UNC45B: variants seen among roughly 807,000 people sequenced by gnomAD.
UNC45B encodes the protein protein unc-45 homolog B.
A neutral mutation model predicts 98.7 loss-of-function variants in UNC45B; 78 were observed. The ratio of observed to expected loss-of-function variants is 0.79; its 90% CI spans 0.66 to 0.95. The LOEUF is 0.95. Among genes scored for constraint, UNC45B ranks in the 40% least tolerant of loss-of-function variants. The probability of loss-of-function intolerance (pLI) is 0.00; values close to 1 mark genes in which losing one functional copy is unlikely to be tolerated. For synonymous variants in UNC45B, 462 were observed against 480.4 expected, an observed-to-expected ratio of 0.96 and a Z score of 0.50; for missense variants, 1,225 against 1,184.9, an observed-to-expected ratio of 1.03 and a Z score of -0.50.
chr17:35,148,929 G>A (rs1387426110), intron 2 of UNC45B, 44 bp from the exon 3 acceptor site: 3 of 1,612,914 alleles, frequency 1.9e-6, no homozygotes, highest in Non-Finnish European at 2.5e-6. Context: ...TCTCTGCATT[G>A]GGCCCACATT....
chr17:35,165,612 C>G (rs534595111), intron 9 of UNC45B, among the ~76,000 whole-genome samples: 3 of 152,218 alleles, frequency 2.0e-5, no homozygotes, highest in African/African-American at 7.2e-5. Context: ...ACAGATAAGT[C>G]TCTGTCAACA....
rs558718448 is a variant in UNC45B at position 35,189,067 on chromosome 17, C to G, written c.*2508C>G. 1.3e-5 allele frequency: 2 copies of G among 152,120 alleles called. No individual in the cohort carries two copies. The highest frequency in any genetic ancestry group is 2.9e-5 in the Non-Finnish European group (2 of 68,034). The allele number at this position is 152,120 out of a possible 1,614,324, so 9.4% of individuals were successfully genotyped here. On this transcript the variant is annotated 3_prime_UTR_variant, in exon 20 of 20. Transcript: ENST00000394570. ...TGCCAACTTTCTAGGTTTTTCCAAC[C>G]AATTCTCTTACAGAAAATCTATAAA...
In UNC45B at chr17:35,171,342, GTAC is replaced by G. The variant is rs2092184532; in HGVS notation, c.1712_1714del (p.Tyr571del). 1 of 1,614,122 alleles carries G rather than the reference GTAC, an allele frequency of 6.2e-7. No individual in the cohort carries two copies. The highest frequency in any genetic ancestry group is 8.5e-7 in the Non-Finnish European group (1 of 1,179,984). On this transcript the variant is annotated inframe_deletion, in exon 13 of 20. Coordinates refer to ENST00000394570, the MANE Select transcript of UNC45B (RefSeq NM_001267052.2). ...TCCAGACCAGTGACAAGACCATCCT[GTAC>G]TCGGTGGCCACCACCCTGGTGAACT...
intron 19 of UNC45B, among the ~76,000 whole-genome samples, chr17:35,184,532 C>T (rs2092292257): frequency 6.6e-6 from 1 of 152,220 alleles, no homozygotes; most frequent in East Asian, 1.9e-4. Context: ...ACAGGACCCT[C>T]TGTGACTCCT....
Position 35,177,610 on chromosome 17 carries a change from G to A in UNC45B, c.2255G>A (p.Arg752Gln), listed in dbSNP as rs139715157. 112 of 1,543,968 alleles carry A rather than the reference G, an allele frequency of 7.3e-5. No homozygotes were observed. Among genetic ancestry groups the A allele is most frequent in the Admixed American group, 3.5e-4 (18 of 50,906 alleles). The change falls in exon 17 of 20, where the codon CGG becomes CAG. Residue 752 changes from arginine to glutamine, a missense_variant and splice_region_variant. Transcript: ENST00000394570. ...TNLSGRSDKL[R>Q]QKIFKERALP... ...CTGTCTGGGCGGAGTGACAAACTCCGGTGAGTGTGGTGAGTGTGGCAGGGG... is the reference window on the plus strand; with the variant it reads ...CTGTCTGGGCGGAGTGACAAACTCCAGTGAGTGTGGTGAGTGTGGCAGGGG...
intron 9 of UNC45B, chr17:35,167,027 G>T (rs2092145910): frequency 6.6e-6 from 1 of 152,272 alleles, no homozygotes; most frequent in Non-Finnish European, 1.5e-5. Context: ...GATGATAATA[G>T]ATTCTGAAAG....
chr17:35,149,081 C>A, intron 3 of UNC45B, 72 bp downstream of exon 3: 1 of 1,567,022 alleles, frequency 6.4e-7, no homozygotes, highest in Admixed American at 1.7e-5. Flanking sequence ...AATCTAGTTA[C>A]CATTTTGGGG....
rs2092153904 is a variant in UNC45B, at chr17:35,168,100, T to A, written c.1191T>A (p.Asn397Lys). Residue 397 changes from asparagine to lysine, a missense_variant, in exon 10 of 20, where the codon AAT becomes AAA. Asn to Lys is a moderately conservative substitution (Grantham distance 94). Coordinates refer to ENST00000394570, the MANE Select transcript of UNC45B (RefSeq NM_001267052.2). ...CCCAGGACATGGACAAGAACTTGAA[T>A]GCCATCCAGACAGTGTCAGGGATCC... ...FDPQDMDKNLNAIQTVSGILQ... is the reference protein window; with the variant it reads ...FDPQDMDKNLKAIQTVSGILQ... 1 of 1,564,026 alleles carries A rather than the reference T, an allele frequency of 6.4e-7. No homozygotes were observed. The highest frequency in any genetic ancestry group is 2.4e-5 in the East Asian group (1 of 41,810).
rs1302095169 is a variant in UNC45B, at chr17:35,186,694, A to G, written c.*135A>G. 1.9e-6 allele frequency: 2 copies of G among 1,045,866 alleles called. No homozygotes were observed. Among genetic ancestry groups the G allele is most frequent in the Non-Finnish European group, 2.7e-6 (2 of 738,326 alleles). The allele number at this position is 1,045,866 out of a possible 1,614,324, so 64.8% of individuals were successfully genotyped here. A position where few individuals can be genotyped will look rare whatever the true frequency, so the allele number is the denominator to read the frequency against. On this transcript the variant is annotated 3_prime_UTR_variant, in exon 20 of 20. Transcript: ENST00000394570. Reference sequence around the variant, plus strand: ...AGTCTCAATATAAAGGAAAGACTTGATTGTTCTCTGAGTTGTGAGTCTTCT... The same window carrying G: ...AGTCTCAATATAAAGGAAAGACTTGGTTGTTCTCTGAGTTGTGAGTCTTCT...
At position 35,171,416 on chromosome 17, in the gene UNC45B, A is replaced by G; in HGVS notation, c.1784A>G (p.Gln595Arg). Residue 595 changes from glutamine to arginine, a missense_variant, in exon 13 of 20, where the codon CAG becomes CGG. Physicochemically the swap from Gln to Arg is conservative, Grantham distance 43. Coordinates refer to ENST00000394570, the MANE Select transcript of UNC45B (RefSeq NM_001267052.2). ...DVKEVIPELV[Q>R]LAKFSKQHVP... ...AAGGAGGTCATCCCAGAGCTTGTCC[A>G]GCTCGCCAAGTTCTCCAAGCAGCAT... The G allele has an allele frequency of 6.2e-7, 1 of 1,614,144 alleles. No homozygotes were observed. The highest frequency in any genetic ancestry group is 8.5e-7 in the Non-Finnish European group (1 of 1,180,012).
chr17:35,159,454 G>C lies in UNC45B; in HGVS notation c.888G>C (p.Arg296Ser). Reference protein sequence around the residue: ...LVSKKVSGQGRDQALNLLNKN... With the variant: ...LVSKKVSGQGSDQALNLLNKN... ...GCAAGAAGGTGTCTGGCCAGGGCAG[G>C]GATCAGGCGCTGAACCTGCTCAATA... The change falls in exon 8 of 20, where the codon AGG becomes AGC. Residue 296 changes from arginine (R) to serine (S), a missense_variant. By Grantham distance (110) the Arg-to-Ser change is moderately radical (BLOSUM62 -1). Transcript: ENST00000394570. 6.2e-7 allele frequency: 1 copy of C among 1,614,132 alleles called. No homozygotes were observed.
intron 19 of UNC45B, among the ~76,000 whole-genome samples, chr17:35,185,245 G>A (rs538858258): frequency 5.9e-5 from 9 of 152,048 alleles, no homozygotes; most frequent in Non-Finnish European, 1.2e-4. Context: ...GCCAGGTGAG[G>A]GTAACAGGTA....
chr17:35,178,160 A>G (rs1049824514), intron 17 of UNC45B, among the ~76,000 whole-genome samples: 1 of 152,208 alleles, frequency 6.6e-6, no homozygotes, highest in Non-Finnish European at 1.5e-5. Flanking sequence ...TTGGTCTCCC[A>G]AAGTGCTTGG....
At chr17:35,148,561 AG>A in intron 2 of UNC45B, 130 bp downstream of exon 2, 1 of 1,103,302 alleles carries the variant, frequency 9.1e-7, no homozygotes, top group East Asian at 2.6e-5. Context: ...GGGTTGGAGA[AG>A]GGTGCCTCCA....
intron 19 of UNC45B, among the ~76,000 whole-genome samples, chr17:35,185,813 T>C (rs1207585402): frequency 6.6e-6 from 1 of 152,180 alleles, no homozygotes; most frequent in Non-Finnish European, 1.5e-5. Flanking sequence ...AGCGTGACCA[T>C]AACTAAGTTA....
chr17:35,174,843 GAGAGAA>G (rs1054731035), intron 14 of UNC45B, among the ~76,000 whole-genome samples: 2 of 145,242 alleles, frequency 1.4e-5, no homozygotes, highest in Non-Finnish European at 1.5e-5. Flanking sequence ...AATAAAGAAA[GAGAGAA>G]AGAGAGAGAG....
intron 18 of UNC45B, among the ~76,000 whole-genome samples, chr17:35,182,383 C>A (rs1209806823): frequency 6.6e-6 from 1 of 151,478 alleles, no homozygotes; most frequent in East Asian, 2.0e-4. Flanking sequence ...GCCACCGCGC[C>A]CGGCCGGGTG....
intron 7 of UNC45B, among the ~76,000 whole-genome samples, chr17:35,155,886 T>C (rs968418473): frequency 2.0e-4 from 30 of 152,320 alleles, no homozygotes; most frequent in Middle Eastern, 3.4e-3. Context: ...ATGTATTTTC[T>C]GATTATAAAA....
intron 9 of UNC45B, among the ~76,000 whole-genome samples, 198 bp from the exon 10 acceptor site, chr17:35,167,860 TCAC>T (rs546679546): frequency 2.0e-5 from 3 of 152,310 alleles, no homozygotes; most frequent in African/African-American, 7.2e-5. Context: ...TCATTTATCC[TCAC>T]CACAACTCTG....
Sources: allele counts gnomAD v4.1 joint callset (sites outside exome capture counted in the v4.1 genomes callset), GRCh38; gene constraint gnomAD v4.1.1; transcripts MANE v1.5; gene names NCBI Gene and HGNC (gene_info 2026-07-23, HGNC 2026-07-21).